The following WFS1 variants were observed in gnomAD, a reference collection of about 807,000 sequenced individuals.
WFS1 encodes wolframin ER transmembrane glycoprotein, also known as wolframin.
A neutral mutation model predicts 68.5 loss-of-function variants in WFS1; 90 were observed. The observed-to-expected ratio is 1.31, with a 90% CI of 1.11 to 1.56. The LOEUF is 1.56. Ranked by LOEUF, WFS1 falls within the 40% of genes most tolerant of loss-of-function variation. The probability of loss-of-function intolerance (pLI) is 0.00; values close to 1 mark genes in which losing one functional copy is unlikely to be tolerated. For synonymous variants in WFS1, 860 were observed against 540.7 expected (o/e 1.59, Z -8.19); for missense variants, 1,767 against 1,232.6 (o/e 1.43, Z -6.49).
intron 6 of WFS1, among the ~76,000 whole-genome samples, chr4:6,294,594 TC>T (rs756700953): frequency 6.6e-6 from 1 of 152,104 alleles, no homozygotes; most frequent in African/African-American, 2.4e-5. Flanking sequence ...CAGATCATGT[TC>T]GATGGAGCGG....
At chr4:6,299,958 CGTGT>C (rs141189050) in intron 7 of WFS1, among the ~76,000 whole-genome samples, 2,509 of 149,062 alleles carry the variant, frequency 0.017, 37 homozygotes, top group South Asian at 0.063. Flanking sequence ...GGGTGGGTTG[CGTGT>C]GTGTGTGTGC....
chr4:6,290,471 G>A (rs1560409521), intron 4 of WFS1, among the ~76,000 whole-genome samples: 1 of 152,258 alleles, frequency 6.6e-6, no homozygotes. Context: ...CAAGGGAGGA[G>A]GCCGGTTGGC....
intron 2 of WFS1, among the ~76,000 whole-genome samples, chr4:6,279,501 C>T (rs1730091684): frequency 1.3e-5 from 2 of 152,138 alleles, no homozygotes; most frequent in African/African-American, 4.8e-5. Flanking sequence ...TCACTATGGG[C>T]CTCAGGTCAT....
intron 7 of WFS1, among the ~76,000 whole-genome samples, chr4:6,299,907 G>T (rs1385714154): frequency 7.2e-6 from 1 of 138,148 alleles, no homozygotes; most frequent in Non-Finnish European, 1.5e-5. Context: ...TGGGTTGTGT[G>T]TGTGTGTATG....
rs554200711 is a variant in WFS1 at position 6,288,624 on chromosome 4, C to A, written c.316-363C>A. 4.7e-5 allele frequency: 17 copies of A among 362,064 alleles called. No homozygotes were observed. In the Admixed American group the frequency reaches 5.9e-4, roughly 13 times the overall value. The allele number at this position is 362,064 out of a possible 1,614,324, so 22.4% of individuals were successfully genotyped here. On this transcript the variant is annotated intron_variant, in intron 3 of 7. Coordinates refer to ENST00000226760, the MANE Select transcript of WFS1 (RefSeq NM_006005.3). Reference sequence around the variant, plus strand: ...TCTCCAGCCCTGGCTTTCTATGGTCCCCTGACTGTTTTGAGAGGTGTAAAG... The same window carrying A: ...TCTCCAGCCCTGGCTTTCTATGGTCACCTGACTGTTTTGAGAGGTGTAAAG...
At chr4:6,291,823 G>C in intron 5 of WFS1, 94 bp from the exon 6 acceptor site, 1 of 1,362,706 alleles carries the variant, frequency 7.3e-7, no homozygotes, top group East Asian at 2.5e-5. Flanking sequence ...TGGAACTGGC[G>C]TGCCCTAGGA....
intron 7 of WFS1, among the ~76,000 whole-genome samples, chr4:6,299,757 G>A (rs1387546029): frequency 6.8e-6 from 1 of 146,988 alleles, no homozygotes; most frequent in Non-Finnish European, 1.5e-5. Flanking sequence ...GTGTGTGTAG[G>A]GGTGGGTTGC....
intron 1 of WFS1, among the ~76,000 whole-genome samples, chr4:6,273,307 A>C (rs1458459844): frequency 6.6e-6 from 1 of 152,196 alleles, no homozygotes; most frequent in Non-Finnish European, 1.5e-5. Flanking sequence ...ACGGGATAAA[A>C]ATATGCCTCA....
At position 6,302,443 on chromosome 4, in the gene WFS1, TC is replaced by T. The variant is rs71524394; in HGVS notation, c.2649del (p.Phe884SerfsTer68). 2 of 1,612,478 alleles carry T rather than the reference TC, an allele frequency of 1.2e-6. No homozygotes were observed. Among genetic ancestry groups the T allele is most frequent in the Middle Eastern group, 3.3e-4 (2 of 6,062 alleles). On this transcript the variant is annotated frameshift_variant, in exon 8 of 8. Transcript: ENST00000226760. LOFTEE classifies it high-confidence loss of function. ...GTGAAGTTCGCCTTCGACTTCTTTT[TC>T]TTCCCATTCCTGTCGGCGGCCTGAG... is the stretch of plus-strand genomic sequence containing the variant. ...GAVKFAFDFF[F>X]FPFLSAA is the part of the protein sequence containing the mutation.
At chr4:6,279,585 C>G (rs1041520133) in intron 2 of WFS1, among the ~76,000 whole-genome samples, 3 of 152,172 alleles carry the variant, frequency 2.0e-5, no homozygotes, top group Admixed American at 1.3e-4. Flanking sequence ...TAGATCAGTG[C>G]CTGGCCAGGC....
chr4:6,275,599 T>G (rs1314879166), intron 1 of WFS1, among the ~76,000 whole-genome samples: 186 of 90,608 alleles, frequency 2.1e-3, no homozygotes, highest in South Asian at 2.9e-3. Context: ...GGGGGTGGGG[T>G]GGGGGGGGGG....
At position 6,301,287 on chromosome 4, in the gene WFS1, G is replaced by T; in HGVS notation, c.1492G>T (p.Val498Phe). The change falls in exon 8 of 8, where the codon GTC (valine) becomes TTC (phenylalanine). Residue 498 changes from valine to phenylalanine, a missense_variant. Coordinates refer to ENST00000226760, the MANE Select transcript of WFS1 (RefSeq NM_006005.3). The part of the protein sequence containing the change: ...FITVPVGHLV[V>F]LNVSVPCLLY... ...CACCGTGCCTGTCGGCCACCTGGTC[G>T]TCCTCAACGTCAGCGTCCCGTGCCT... 1 of 1,611,356 alleles carries T rather than the reference G, an allele frequency of 6.2e-7. No individual in the cohort carries two copies. The highest frequency in any genetic ancestry group is 8.5e-7 in the Non-Finnish European group (1 of 1,180,008).
At position 6,300,618 on chromosome 4, in the gene WFS1, C is replaced by A. The variant is rs768244490; in HGVS notation, c.862-39C>A. ...GCGTGAGATGGGAGCAGTGGGGGTC[C>A]TGTCCCAGCCTCGTTCCCACGTACC... On this transcript the variant is annotated intron_variant, in intron 7 of 7. Transcript: ENST00000226760. 6 of 1,613,280 alleles carry A rather than the reference C, an allele frequency of 3.7e-6. No homozygotes were observed. In the East Asian group the frequency reaches 1.1e-4, roughly 30 times the overall value.
Position 6,302,753 on chromosome 4 carries a change from T to C in WFS1, c.*285T>C. The C allele has an allele frequency of 3.7e-6, 2 of 539,426 alleles. No homozygotes were observed. Among genetic ancestry groups the C allele is most frequent in the Non-Finnish European group, 6.6e-6 (2 of 305,194 alleles). 33.4% of individuals were successfully genotyped at this position (539,426 alleles called of 1,614,324 possible). On this transcript the variant is annotated 3_prime_UTR_variant, in exon 8 of 8. Coordinates refer to ENST00000226760, the MANE Select transcript of WFS1 (RefSeq NM_006005.3). The stretch of plus-strand genomic sequence containing the variant: ...GGGTGTGCCAGGCTAGACTAGGAGG[T>C]TCCGGTGTCTGGAAAAGCACTTTAC...
At chr4:6,292,994 C>T (rs150799333) in intron 6 of WFS1, among the ~76,000 whole-genome samples, 78 of 152,344 alleles carry the variant, frequency 5.1e-4, no homozygotes, top group African/African-American at 1.8e-3. Flanking sequence ...TGTTTTCCTG[C>T]TCCATTTGGG....
In WFS1 at chr4:6,302,358, T is replaced by C. The variant is rs141833472; in HGVS notation, c.2563T>C (p.Ser855Pro). 632 of 1,613,052 alleles carry C rather than the reference T, an allele frequency of 3.9e-4. 3 individuals carry two copies. The highest frequency in any genetic ancestry group is 2.1e-3 in the South Asian group (193 of 91,086). Residue 855 changes from serine to proline, a missense_variant, in exon 8 of 8, where the codon TCA (serine) becomes CCA (proline). Ser to Pro is a moderately conservative substitution (Grantham distance 74). Coordinates refer to ENST00000226760, the MANE Select transcript of WFS1 (RefSeq NM_006005.3). Reference sequence around the variant, plus strand: ...CTGCCTCAACTGCATGGCCCAGCTCTCACCCACCAGGCGGCACGTGAAGAT... The same window carrying C: ...CTGCCTCAACTGCATGGCCCAGCTCCCACCCACCAGGCGGCACGTGAAGAT... ...ISCLNCMAQLSPTRRHVKIEH... is the reference protein window; with the variant it reads ...ISCLNCMAQLPPTRRHVKIEH...
intron 7 of WFS1, among the ~76,000 whole-genome samples, chr4:6,298,722 C>T (rs1335468861): frequency 6.6e-6 from 1 of 152,256 alleles, no homozygotes; most frequent in Non-Finnish European, 1.5e-5. Context: ...AAGACTCAGT[C>T]TTCTGGTTGT....
intron 7 of WFS1, among the ~76,000 whole-genome samples, chr4:6,300,375 A>C (rs1015585431): frequency 1.3e-5 from 2 of 151,982 alleles, no homozygotes; most frequent in Non-Finnish European, 2.9e-5. Context: ...GCAGGGAGAG[A>C]AGCACACATG....
At chr4:6,282,257 T>A (rs77135664) in intron 2 of WFS1, among the ~76,000 whole-genome samples, 1 of 152,260 alleles carries the variant, frequency 6.6e-6, no homozygotes, top group East Asian at 1.9e-4. Flanking sequence ...GCTGATGGGA[T>A]GCCTGTGGTG....
Sources: allele counts gnomAD v4.1 joint callset (sites outside exome capture counted in the v4.1 genomes callset), GRCh38; gene constraint gnomAD v4.1.1; transcripts MANE v1.5; gene names NCBI Gene and HGNC (gene_info 2026-07-23, HGNC 2026-07-21).